Variants in OSBPL11 observed in about 807,000 individuals in gnomAD.
OSBPL11 encodes oxysterol binding protein like 11, also known as oxysterol-binding protein-related protein 11.
In OSBPL11, 33 loss-of-function variants were observed where a neutral mutation model predicts 84.4. That is an observed-to-expected ratio of 0.39 (90% confidence interval 0.30 to 0.52). The LOEUF is 0.52. Among genes scored for constraint, OSBPL11 ranks in the 20% least tolerant of loss-of-function variants. The pLI is 0.72. For missense variants in OSBPL11, 736 were observed against 901.1 expected (o/e 0.82, Z 2.35); for synonymous variants, 276 against 310.2 (o/e 0.89, Z 1.16).
chr3:125,579,553 A>G (rs1936388800), intron 3 of OSBPL11, among the ~76,000 whole-genome samples: 1 of 152,234 alleles, frequency 6.6e-6, no homozygotes, highest in Admixed American at 6.5e-5. Context: ...AACTAAACCA[A>G]GTAAAGGGGT....
At position 125,565,804 on chromosome 3, in the gene OSBPL11, C is replaced by G. The variant is rs554526572; in HGVS notation, c.868+1590G>C. Among the ~76,000 whole-genome samples, 17 of 152,016 alleles carry G rather than the reference C, an allele frequency of 1.1e-4. No individual in the cohort carries two copies. In the South Asian group the frequency reaches 3.3e-3, roughly 30 times the overall value. On this transcript the variant is annotated intron_variant, in intron 6 of 12. Transcript: ENST00000296220. ...GACTCTTCTATCACTTTGGAATGCC[C>G]TTTCCTCTACCTCTCACTCCTAAAC... is the stretch of plus-strand genomic sequence containing the variant.
intron 1 of OSBPL11, among the ~76,000 whole-genome samples, chr3:125,587,000 T>A (rs1408014452): frequency 6.6e-6 from 1 of 152,022 alleles, no homozygotes; most frequent in South Asian, 2.1e-4. Flanking sequence ...AACTAATAAC[T>A]CTCCATCTCA....
At chr3:125,574,798 TAA>T (rs1450207861) in intron 5 of OSBPL11, among the ~76,000 whole-genome samples, 1 of 152,212 alleles carries the variant, frequency 6.6e-6, no homozygotes, top group Admixed American at 6.5e-5. Context: ...AAGATATGCA[TAA>T]CTCTGTAAAC....
chr3:125,543,064 TAA>T (rs749164067), intron 10 of OSBPL11, among the ~76,000 whole-genome samples: 1 of 152,034 alleles, frequency 6.6e-6, no homozygotes, highest in Non-Finnish European at 1.5e-5. Context: ...TTGAGGGTCT[TAA>T]AGAGTCTCAA....
intron 1 of OSBPL11, among the ~76,000 whole-genome samples, chr3:125,586,978 C>CA (rs988325763): frequency 6.6e-6 from 1 of 152,046 alleles, no homozygotes; most frequent in African/African-American, 2.4e-5. Flanking sequence ...ATAAGAAAAT[C>CA]AAAAAGGCAA....
chr3:125,591,281 C>T (rs1358648899), intron 1 of OSBPL11, among the ~76,000 whole-genome samples: 2 of 152,194 alleles, frequency 1.3e-5, no homozygotes, highest in African/African-American at 4.8e-5. Flanking sequence ...GCATAAATCC[C>T]AATAATCCCC....
rs72979733 is a variant in OSBPL11, at chr3:125,546,899, G to A, written c.1841+507C>T. 9.1e-3 allele frequency among the ~76,000 whole-genome samples: 1,332 copies of A among 145,942 alleles called. 14 individuals carry two copies. The highest frequency in any genetic ancestry group is 0.031 in the African/African-American group (1,239 of 39,872). On this transcript the variant is annotated intron_variant, in intron 10 of 12. Coordinates refer to ENST00000296220, the MANE Select transcript of OSBPL11 (RefSeq NM_022776.5). ...GAGACTCTGTCTCAAAAAAACAAAT[G>A]ACAAAAAAAAAAAATGCATCAATAT...
chr3:125,588,295 C>CTAAT, intron 1 of OSBPL11, among the ~76,000 whole-genome samples: 1 of 151,022 alleles, frequency 6.6e-6, no homozygotes, highest in Non-Finnish European at 1.5e-5. Context: ...TGAGAAGACT[C>CTAAT]ATTAGACTTA....
intron 1 of OSBPL11, among the ~76,000 whole-genome samples, chr3:125,587,461 A>G (rs1419043598): frequency 6.6e-6 from 1 of 152,224 alleles, no homozygotes; most frequent in Non-Finnish European, 1.5e-5. Context: ...TTGAAGTTAC[A>G]GCAGTAAATA....
chr3:125,539,991 G>A (rs76748638), intron 10 of OSBPL11, among the ~76,000 whole-genome samples: 10,151 of 152,226 alleles, frequency 0.067, 457 homozygotes, highest in Non-Finnish European at 0.098. Flanking sequence ...GGAACAAGAA[G>A]GACAAAGTAG....
chr3:125,593,815 C>A (rs968128705), intron 1 of OSBPL11, among the ~76,000 whole-genome samples: 13 of 152,066 alleles, frequency 8.5e-5, no homozygotes, highest in African/African-American at 2.9e-4. Flanking sequence ...TACAGTTAGG[C>A]ACATAGGAGT....
At chr3:125,547,041 A>G (rs1935829746) in intron 10 of OSBPL11, among the ~76,000 whole-genome samples, 1 of 152,186 alleles carries the variant, frequency 6.6e-6, no homozygotes, top group Non-Finnish European at 1.5e-5. Flanking sequence ...ACCATTCTTC[A>G]TGATTAGATA....
At chr3:125,534,036 A>G (rs956805060) in intron 11 of OSBPL11, among the ~76,000 whole-genome samples, 2 of 152,174 alleles carry the variant, frequency 1.3e-5, no homozygotes, top group African/African-American at 4.8e-5. Context: ...CATGTTACCC[A>G]GGCTGGTCTC....
chr3:125,530,440 G>T lies in OSBPL11; in HGVS notation c.*75C>A. ...GCAATCAGGAAGCAGGTCACTCAGT[G>T]CAATGACTCCATTCTGGGAGGATTT... On this transcript the variant is annotated 3_prime_UTR_variant, in exon 13 of 13. Coordinates refer to ENST00000296220, the MANE Select transcript of OSBPL11 (RefSeq NM_022776.5). 3 of 1,342,992 alleles carry T rather than the reference G, an allele frequency of 2.2e-6. No homozygotes were observed. Among genetic ancestry groups the T allele is most frequent in the African/African-American group, 2.9e-5 (2 of 69,980 alleles). The allele number at this position is 1,342,992 out of a possible 1,614,324, so 83.2% of individuals were successfully genotyped here. A position where few individuals can be genotyped will look rare whatever the true frequency, so the allele number is the denominator to read the frequency against.
rs957755606 is a variant in OSBPL11 at position 125,595,350 on chromosome 3, G to C, written c.-550C>G. Among the ~76,000 whole-genome samples, 1 of 152,104 alleles carries C rather than the reference G, an allele frequency of 6.6e-6. No homozygotes were observed. Among genetic ancestry groups the C allele is most frequent in the East Asian group, 1.9e-4 (1 of 5,176 alleles). On this transcript the variant is annotated 5_prime_UTR_variant, in exon 1 of 13. Transcript: ENST00000296220. ...GGGTCGGGGAATGAGGCCGCCGGGG[G>C]CGGGACGCCGGCTCCCGGGGCCGCC...
intron 2 of OSBPL11, among the ~76,000 whole-genome samples, chr3:125,581,678 AGAGT>A (rs1202087322): frequency 7.2e-6 from 1 of 139,264 alleles, no homozygotes; most frequent in Admixed American, 7.4e-5. Context: ...CCTAGGTGAC[AGAGT>A]GAGACTCCAT....
At chr3:125,553,973 G>A (rs936818098) in intron 8 of OSBPL11, among the ~76,000 whole-genome samples, 4 of 152,148 alleles carry the variant, frequency 2.6e-5, no homozygotes, top group Non-Finnish European at 4.4e-5. Context: ...TGAAACTTAG[G>A]CAGTAGGTTA....
At chr3:125,548,821 A>G (rs1286969813) in intron 9 of OSBPL11, among the ~76,000 whole-genome samples, 1 of 152,118 alleles carries the variant, frequency 6.6e-6, no homozygotes, top group Non-Finnish European at 1.5e-5. Flanking sequence ...TTTTTAGGAT[A>G]AGCAAATAGA....
In OSBPL11 at chr3:125,529,922, AG is replaced by A. The variant is rs1359707712; in HGVS notation, c.*592del. On this transcript the variant is annotated 3_prime_UTR_variant, in exon 13 of 13. Coordinates refer to ENST00000296220, the MANE Select transcript of OSBPL11 (RefSeq NM_022776.5). ...GAGAGTTCCAACAGAGGTGGATAAT[AG>A]GTAAGTTCCTCAGACACAGGCATAC... 2 of 152,992 alleles carry A rather than the reference AG, an allele frequency of 1.3e-5. No homozygotes were observed. Among genetic ancestry groups the A allele is most frequent in the Non-Finnish European group, 2.9e-5 (2 of 68,262 alleles). The allele number at this position is 152,992 out of a possible 1,614,324, so 9.5% of individuals were successfully genotyped here.
Sources: gnomAD v4.1 joint callset for allele counts (sites outside exome capture counted in the v4.1 genomes callset) on GRCh38, gnomAD v4.1.1 for gene constraint, MANE v1.5 for transcripts, NCBI Gene and HGNC (gene_info 2026-07-23, HGNC 2026-07-21) for gene names.